TPPP2: variants seen among roughly 807,000 people sequenced by gnomAD.
TPPP2 encodes the protein tubulin polymerization-promoting protein family member 2.
A neutral mutation model predicts 13.0 loss-of-function variants in TPPP2; 8 were observed. The ratio of observed to expected loss-of-function variants is 0.62; its 90% confidence interval spans 0.36 to 1.11. TPPP2 has a LOEUF of 1.11. Ranked by LOEUF, TPPP2 falls within the 50% of genes most tolerant of loss-of-function variation. The pLI, the probability that TPPP2 is intolerant of heterozygous loss-of-function variation, is 0.02. For synonymous variants in TPPP2, 81 were observed against 81.8 expected (o/e 0.99, Z 0.05); for missense variants, 213 against 216.9 (o/e 0.98, Z 0.11).
upstream of TPPP2, among the ~76,000 whole-genome samples, chr14:21,027,287 C>T (rs1883754601): frequency 6.6e-6 from 1 of 152,200 alleles, no homozygotes; most frequent in African/African-American, 2.4e-5. Flanking sequence ...AACTCTTTCC[C>T]TTTGGCCAGA....
downstream of TPPP2, chr14:21,035,865 G>T (rs1419452037): frequency 4.4e-6 from 2 of 456,030 alleles, no homozygotes; most frequent in South Asian, 3.1e-5. Context: ...CCCAGCTACG[G>T]GGAGGCGGTC....
At chr14:21,035,840 C>T, downstream of TPPP2, 1 of 456,234 alleles carries the variant, frequency 2.2e-6, no homozygotes, top group South Asian at 1.5e-5. Context: ...TCCTAGACCC[C>T]TCCACCTCCC....
rs201065546 is a variant in TPPP2 at position 21,032,002 on chromosome 14, G to A, written c.438G>A (p.Arg146=). The A allele has an allele frequency of 3.1e-6, 5 of 1,614,170 alleles. No individual in the cohort carries two copies. In the African/African-American group the frequency reaches 5.3e-5, roughly 17 times the overall value. ...ESGKGKGIAG[R]EEMTDNTGYV... ...GCAAGGGCAAGGGCATTGCGGGACGGGAAGAGATGACTGACAACACAGGCT... is the reference window on the plus strand; with the variant it reads ...GCAAGGGCAAGGGCATTGCGGGACGAGAAGAGATGACTGACAACACAGGCT... The change falls in exon 4 of 4, where the codon CGG becomes CGA. Residue 146 remains arginine, a synonymous_variant. Coordinates refer to ENST00000321760, the MANE Select transcript of TPPP2 (RefSeq NM_173846.5).
At chr14:21,024,587 C>G (rs893597196) in intron 1 of TPPP2, 1 of 985,492 alleles carries the variant, frequency 1.0e-6, no homozygotes, top group South Asian at 4.7e-5. Context: ...CGTCGCTTCT[C>G]TCCTCTACTC....
rs143975728 is a variant in TPPP2 at position 21,031,022 on chromosome 14, G to C, written c.184G>C (p.Ala62Pro). The change falls in exon 3 of 4, where the codon GCC becomes CCC. Residue 62 changes from alanine (A) to proline (P), a missense_variant. Transcript: ENST00000321760. The part of the protein sequence containing the change: ...IVFSKVKAKN[A>P]RTITFQQFKE... The stretch of plus-strand genomic sequence containing the variant: ...TGTCTAACTGACCAGGGCCAAGAAC[G>C]CCCGAACCATCACGTTTCAACAGTT... 9 of 1,608,958 alleles carry C rather than the reference G, an allele frequency of 5.6e-6. No individual in the cohort carries two copies. Among genetic ancestry groups the C allele is most frequent in the Non-Finnish European group, 7.6e-6 (9 of 1,177,912 alleles).
At chr14:21,024,435 G>A (rs1199852050) in intron 1 of TPPP2, 2 of 921,006 alleles carry the variant, frequency 2.2e-6, no homozygotes, top group Non-Finnish European at 2.6e-6. Context: ...ACTACATTTG[G>A]CCTCAATTTT....
In TPPP2 at chr14:21,030,504, AC is replaced by A; in HGVS notation, c.-69-8del. 7.0e-7 allele frequency: 1 copy of A among 1,438,376 alleles called. No individual in the cohort carries two copies. The highest frequency in any genetic ancestry group is 9.5e-7 in the Non-Finnish European group (1 of 1,051,864). The allele number at this position is 1,438,376 out of a possible 1,614,324, so 89.1% of individuals were successfully genotyped here. On this transcript the variant is annotated splice_polypyrimidine_tract_variant and splice_region_variant and intron_variant, in intron 1 of 3. Transcript: ENST00000321760. ...TTTTACCATAACACTCATCCTCATT[AC>A]TCCACAGTCCTCCCTCCCCCTTCTC...
chr14:21,033,583 A>G (rs1268410), downstream of TPPP2: 97,574 of 568,920 alleles, frequency 0.17, 10,034 homozygotes, highest in East Asian at 0.43. Flanking sequence ...CTGGGAGAGG[A>G]AGGATGATGA....
At chr14:21,024,930 C>G (rs1285503911) in intron 1 of TPPP2, 7 of 985,498 alleles carry the variant, frequency 7.1e-6, no homozygotes, top group East Asian at 1.1e-4. Context: ...CCCTTTCCCC[C>G]GAGCCTCCAG....
chr14:21,034,399 A>C (rs1594485399), downstream of TPPP2: 2 of 773,186 alleles, frequency 2.6e-6, no homozygotes, highest in African/African-American at 3.5e-5. Context: ...TTTAGAGATC[A>C]TCTCACCCAT....
downstream of TPPP2, chr14:21,033,020 T>A (rs904744913): frequency 6.6e-6 from 3 of 453,744 alleles, no homozygotes; most frequent in African/African-American, 2.0e-5. Context: ...GACTCTGGAG[T>A]CTGGGGGATT....
chr14:21,036,028 T>C, downstream of TPPP2: 1 of 377,436 alleles, frequency 2.6e-6, no homozygotes, highest in Non-Finnish European at 5.2e-6. Flanking sequence ...ATTTTTTACC[T>C]CACGGCAGTA....
downstream of TPPP2, chr14:21,033,374 G>A (rs1015899252): frequency 2.6e-5 from 7 of 271,002 alleles, no homozygotes; most frequent in Admixed American, 1.0e-4. Flanking sequence ...TGGGTGAGTG[G>A]AGGGAATTAT....
At chr14:21,034,240 G>T, downstream of TPPP2, 1 of 1,614,002 alleles carries the variant, frequency 6.2e-7, no homozygotes, top group Non-Finnish European at 8.5e-7. Flanking sequence ...ACCAGAGTTG[G>T]CCCCAGAACA....
In TPPP2 at chr14:21,030,632, A is replaced by G; in HGVS notation, c.51A>G (p.Glu17=). ...KTFHRFAAFG[E]SSSSGTEMNN... ...TCCATCGGTTTGCTGCGTTTGGAGA[A>G]TCATCAAGCAGTGGCACTGAAATGA... Residue 17 remains glutamate, a synonymous_variant, in exon 2 of 4, where the codon GAA becomes GAG. Transcript: ENST00000321760. 1 of 1,614,098 alleles carries G rather than the reference A, an allele frequency of 6.2e-7. No homozygotes were observed. Among genetic ancestry groups the G allele is most frequent in the Non-Finnish European group, 8.5e-7 (1 of 1,180,012 alleles).
chr14:21,035,778 T>G, downstream of TPPP2: 1 of 456,296 alleles, frequency 2.2e-6, no homozygotes, highest in Non-Finnish European at 4.4e-6. Flanking sequence ...TTTCTCTTCC[T>G]GTTTTGTCAA....
downstream of TPPP2, chr14:21,034,048 C>T (rs752590411): frequency 1.9e-6 from 3 of 1,614,142 alleles, no homozygotes; most frequent in South Asian, 2.2e-5. Context: ...TTCTGGATGG[C>T]CTTCCAAGGG....
chr14:21,034,392 A>G, downstream of TPPP2: 1 of 809,084 alleles, frequency 1.2e-6, no homozygotes, highest in Non-Finnish European at 2.0e-6. Flanking sequence ...ACAGTACTTT[A>G]GAGATCATCT....
In TPPP2 at chr14:21,024,726, G is replaced by A. The variant is rs1882836303; in HGVS notation, n.236+382G>A. 5 of 985,436 alleles carry A rather than the reference G, an allele frequency of 5.1e-6. No individual in the cohort carries two copies. In the African/African-American group the frequency reaches 5.2e-5, roughly 10 times the overall value. 61.0% of individuals were successfully genotyped at this position (985,436 alleles called of 1,614,324 possible). A position where few individuals can be genotyped will look rare whatever the true frequency, so the allele number is the denominator to read the frequency against. On this transcript the variant is annotated intron_variant and non_coding_transcript_variant, in intron 1 of 1. Coordinates refer to the TPPP2 transcript ENST00000533755. ...AGGGATGGGTAGGACAGAGGAGACC[G>A]GCCGGGCCCAGCACCCGGAACCCGT...
Sources: gnomAD v4.1 joint callset for allele counts (sites outside exome capture counted in the v4.1 genomes callset) on GRCh38, gnomAD v4.1.1 for gene constraint, MANE v1.5 for transcripts, NCBI Gene and HGNC (gene_info 2026-07-23, HGNC 2026-07-21) for gene names.